PAIP1: variants seen among roughly 807,000 people sequenced by gnomAD.
PAIP1 encodes the protein polyadenylate-binding protein-interacting protein 1.
PAIP1 carries 16 observed loss-of-function variants against 61.3 expected under a neutral mutation model. The observed-to-expected ratio is 0.26, with a 90% CI of 0.18 to 0.40. PAIP1 has a LOEUF of 0.40. PAIP1 is among the 10% of genes least tolerant of loss of function. The pLI is 1.00. For synonymous variants in PAIP1, 187 were observed against 226.2 expected (o/e 0.83, Z 1.56); for missense variants, 416 against 600.9 (o/e 0.69, Z 3.22).
Position 43,533,778 on chromosome 5 carries a change from A to G in PAIP1, c.1212T>C (p.Phe404=). 1 of 1,581,766 alleles carries G rather than the reference A, an allele frequency of 6.3e-7. No individual in the cohort carries two copies. The highest frequency in any genetic ancestry group is 8.7e-7 in the Non-Finnish European group (1 of 1,150,438). Reference sequence around the variant, plus strand: ...TGAAAGGAACACCATCAGATGTATAAAATGTTGGTTCATTCTAGGATGAAT... The same window carrying G: ...TGAAAGGAACACCATCAGATGTATAGAATGTTGGTTCATTCTAGGATGAAT... The part of the protein sequence containing the change: ...DPNYFMNEPT[F]YTSDGVPFTA... Residue 404 remains phenylalanine (F), a synonymous_variant, in exon 9 of 11, where the codon TTT becomes TTC. Transcript: ENST00000306846.
chr5:43,545,802 G>C (rs542680352), intron 3 of PAIP1, among the ~76,000 whole-genome samples: 1 of 149,012 alleles, frequency 6.7e-6, no homozygotes, highest in Non-Finnish European at 1.5e-5. Flanking sequence ...TCAGAGTTTC[G>C]CTCGTTGCCC....
rs1184960048 is a variant in PAIP1, at chr5:43,557,052, C to A, written c.-206G>T. The A allele has an allele frequency of 5.3e-5, 49 of 917,674 alleles. No homozygotes were observed. The East Asian group carries it at 1.5e-3, about 29-fold the overall frequency. The allele number at this position is 917,674 out of a possible 1,614,324, so 56.8% of individuals were successfully genotyped here. On this transcript the variant is annotated 5_prime_UTR_variant, in exon 1 of 11. Transcript: ENST00000306846. ...AGCACCCGCCGCTCCAGAGCGCCCG[C>A]CCCGCTCGGCTACCCTCGGCTTTCC...
chr5:43,534,757 G>C, intron 8 of PAIP1, 96 bp downstream of exon 8: 1 of 719,594 alleles, frequency 1.4e-6, no homozygotes, highest in African/African-American at 1.8e-5. Flanking sequence ...ACAGTTATTA[G>C]GCACTGAATT....
chr5:43,531,327 T>C (rs201453279), intron 9 of PAIP1, among the ~76,000 whole-genome samples: 1 of 86,596 alleles, frequency 1.2e-5, no homozygotes, highest in Non-Finnish European at 2.5e-5. Context: ...AAAAAAAAAA[T>C]GAAAAAAGAA....
At chr5:43,533,396 C>T (rs760156322) in intron 9 of PAIP1, among the ~76,000 whole-genome samples, 3 of 152,166 alleles carry the variant, frequency 2.0e-5, no homozygotes, top group Non-Finnish European at 2.9e-5. Context: ...ATGCAGTGAA[C>T]TAGAATCGTC....
At chr5:43,530,124 T>TA (rs1238830935) in intron 9 of PAIP1, among the ~76,000 whole-genome samples, 1 of 152,240 alleles carries the variant, frequency 6.6e-6, no homozygotes, top group East Asian at 1.9e-4. Context: ...AATGGTTATA[T>TA]AACTGTTGGG....
rs773691544 is a variant in PAIP1, at chr5:43,556,017, A to G, written c.266-18T>C. 12 of 1,603,348 alleles carry G rather than the reference A, an allele frequency of 7.5e-6. No individual in the cohort carries two copies. The highest frequency in any genetic ancestry group is 1.8e-5 in the Admixed American group (1 of 56,856). On this transcript the variant is annotated intron_variant, in intron 1 of 10. Coordinates refer to ENST00000306846, the MANE Select transcript of PAIP1 (RefSeq NM_006451.5). ...CGTTTGCTCTGCAAAAGAAAAAAAA[A>G]CGGGGCGTCAGATGCATTCTTTCCT...
chr5:43,529,976 C>T, intron 9 of PAIP1, 97 bp from the exon 10 acceptor site: 2 of 669,398 alleles, frequency 3.0e-6, no homozygotes, highest in Non-Finnish European at 2.7e-6. Flanking sequence ...GACTTTTGCC[C>T]CCCTGCATGC....
intron 4 of PAIP1, among the ~76,000 whole-genome samples, chr5:43,540,476 GAA>G (rs927461489): frequency 8.5e-5 from 13 of 152,110 alleles, no homozygotes; most frequent in African/African-American, 3.1e-4. Context: ...TTGACTAGGT[GAA>G]AAGTCAAATT....
chr5:43,543,222 C>A, intron 3 of PAIP1, 106 bp from the exon 4 acceptor site: 7 of 458,348 alleles, frequency 1.5e-5, no homozygotes, highest in Admixed American at 7.8e-5. Context: ...CCAAACTGAC[C>A]ATATATACAA....
At position 43,531,676 on chromosome 5, in the gene PAIP1, A is replaced by AAAAAAAAAAG. The variant is rs70997407; in HGVS notation, c.1253-1798_1253-1797insCTTTTTTTTT. ...TGTCTCAAAAAAAAAAAAAAAAAAA[A>AAAAAAAAAAG]AGAGAAAAAAAGAAAAGTGTGTGGA... On this transcript the variant is annotated intron_variant, in intron 9 of 10. Coordinates refer to ENST00000306846, the MANE Select transcript of PAIP1 (RefSeq NM_006451.5). 6.0e-3 allele frequency among the ~76,000 whole-genome samples: 852 copies of AAAAAAAAAAG among 142,894 alleles called. 19 individuals carry two copies. Among genetic ancestry groups the AAAAAAAAAAG allele is most frequent in the East Asian group, 0.048 (208 of 4,312 alleles). 93.7% of individuals were successfully genotyped at this position (142,894 alleles called of 152,430 possible). A position where few individuals can be genotyped will look rare whatever the true frequency, so the allele number is the denominator to read the frequency against.
At chr5:43,537,673 A>C (rs985275624) in intron 5 of PAIP1, among the ~76,000 whole-genome samples, 1 of 152,076 alleles carries the variant, frequency 6.6e-6, no homozygotes, top group African/African-American at 2.4e-5. Flanking sequence ...AGAAGGTATA[A>C]GCTTATATCT....
rs972838868 is a variant in PAIP1 at position 43,556,804 on chromosome 5, G to C, written c.43C>G (p.Arg15Gly). 13 of 1,452,412 alleles carry C rather than the reference G, an allele frequency of 9.0e-6. No individual in the cohort carries two copies. Among genetic ancestry groups the C allele is most frequent in the South Asian group, 8.1e-5 (6 of 73,792 alleles). 90.0% of individuals were successfully genotyped at this position (1,452,412 alleles called of 1,614,324 possible). The change falls in exon 1 of 11, where the codon CGG becomes GGG. Residue 15 changes from arginine to glycine, a missense_variant. This residue lies in a region of PAIP1 where 97 missense variants were observed against 89.5 expected (regional missense o/e 1.08). Coordinates refer to ENST00000306846, the MANE Select transcript of PAIP1 (RefSeq NM_006451.5). The part of the protein sequence containing the change: ...FDRAPGAGRG[R>G]SRGLGRGGGG... ...CCTCCGCGGCCCAGGCCCCGGCTCCGGCCCCGACCAGCACCTGGGGCCCGA... is the reference window on the plus strand; with the variant it reads ...CCTCCGCGGCCCAGGCCCCGGCTCCCGCCCCGACCAGCACCTGGGGCCCGA...
rs992824215 is a variant in PAIP1, at chr5:43,526,817, C to A, written c.*559G>T. On this transcript the variant is annotated 3_prime_UTR_variant, in exon 11 of 11. Transcript: ENST00000306846. Reference sequence around the variant, plus strand: ...GTTCACCAAGTTGGGTTTTTCCCCCCCATGACATTTAAAAAGCCCTTGGTA... The same window carrying A: ...GTTCACCAAGTTGGGTTTTTCCCCCACATGACATTTAAAAAGCCCTTGGTA... 2 of 152,062 alleles carry A rather than the reference C, an allele frequency of 1.3e-5. No homozygotes were observed. The highest frequency in any genetic ancestry group is 4.8e-5 in the African/African-American group (2 of 41,428). The allele number at this position is 152,062 out of a possible 1,614,324, so 9.4% of individuals were successfully genotyped here. A position where few individuals can be genotyped will look rare whatever the true frequency, so the allele number is the denominator to read the frequency against.
Position 43,527,295 on chromosome 5 carries a change from T to TTA in PAIP1, c.*80_*81insTA. The TTA allele has an allele frequency of 1.6e-6, 1 of 606,522 alleles. No individual in the cohort carries two copies. 37.6% of individuals were successfully genotyped at this position (606,522 alleles called of 1,614,324 possible). A position where few individuals can be genotyped will look rare whatever the true frequency, so the allele number is the denominator to read the frequency against. On this transcript the variant is annotated 3_prime_UTR_variant, in exon 11 of 11. Transcript: ENST00000306846. ...CAACATCCTTAATTTGGTATAGATGTGACATTTTCTTGCTCTCTTGTGTTC... is the reference window on the plus strand; with the variant it reads ...CAACATCCTTAATTTGGTATAGATGTTAGACATTTTCTTGCTCTCTTGTGTTC...
At chr5:43,535,957 A>T (rs1370572625) in intron 6 of PAIP1, among the ~76,000 whole-genome samples, 1 of 149,066 alleles carries the variant, frequency 6.7e-6, no homozygotes. Flanking sequence ...TGAAATATAC[A>T]GCAAGCAACA....
chr5:43,528,957 G>A (rs1178900682), intron 10 of PAIP1, among the ~76,000 whole-genome samples: 1 of 152,066 alleles, frequency 6.6e-6, no homozygotes, highest in African/African-American at 2.4e-5. Flanking sequence ...AGTGGCAGGT[G>A]AAGAAACAGA....
chr5:43,529,683 C>T (rs1206908269), intron 10 of PAIP1, 103 bp downstream of exon 10: 6 of 741,878 alleles, frequency 8.1e-6, no homozygotes, highest in African/African-American at 1.7e-5. Flanking sequence ...CGAGCCACTG[C>T]GCCTGGCCCC....
Position 43,557,006 on chromosome 5 carries a change from G to A in PAIP1, c.-160C>T, listed in dbSNP as rs1410338502. On this transcript the variant is annotated 5_prime_UTR_variant, in exon 1 of 11. Transcript: ENST00000306846. ...CCCGGCTCGGCTGCTCGGTGCTTCT[G>A]GCGGAGCGGACGGCAGCCCGAGCAC... The A allele has an allele frequency of 1.2e-5, 15 of 1,200,420 alleles. No individual in the cohort carries two copies. The East Asian group carries it at 4.6e-4, about 36-fold the overall frequency. The allele number at this position is 1,200,420 out of a possible 1,614,324, so 74.4% of individuals were successfully genotyped here. A position where few individuals can be genotyped will look rare whatever the true frequency, so the allele number is the denominator to read the frequency against.
Sources: allele counts gnomAD v4.1 joint callset (sites outside exome capture counted in the v4.1 genomes callset), GRCh38; gene constraint gnomAD v4.1.1; regional missense constraint gnomAD v4.1.1; transcripts MANE v1.5; gene names NCBI Gene and HGNC (gene_info 2026-07-23, HGNC 2026-07-21).